TMEM64: variants seen among roughly 807,000 people sequenced by gnomAD.
TMEM64 encodes transmembrane protein 64.
In TMEM64, 19 loss-of-function variants were observed where a neutral mutation model predicts 24.5. The ratio of observed to expected loss-of-function variants is 0.78; its 90% CI spans 0.54 to 1.14. The LOEUF is 1.14. Ranked by LOEUF, TMEM64 falls within the 50% of genes most tolerant of loss-of-function variation. The pLI is 0.00. For missense variants in TMEM64, 487 were observed against 493.0 expected (o/e 0.99, Z 0.12); for synonymous variants, 262 against 224.7 (o/e 1.17, Z -1.49).
intron 2 of TMEM64, 95 bp downstream of exon 2, chr8:90,631,457 C>T: frequency 9.2e-7 from 1 of 1,083,582 alleles, no homozygotes; most frequent in Admixed American, 2.5e-5. Flanking sequence ...ATGGAAAAAC[C>T]CTCTGATTAT....
rs1036628064 is a variant in TMEM64, at chr8:90,624,144, C to T, written c.*1527G>A. On this transcript the variant is annotated 3_prime_UTR_variant, in exon 3 of 3. Transcript: ENST00000458549. Reference sequence around the variant, plus strand: ...TGTTACTCAAAGGTGAGAAAACTTACCCATTATAAAGGAAAGGAAAACAAT... The same window carrying T: ...TGTTACTCAAAGGTGAGAAAACTTATCCATTATAAAGGAAAGGAAAACAAT... 6.6e-6 allele frequency: 1 copy of T among 151,816 alleles called. No homozygotes were observed. Among genetic ancestry groups the T allele is most frequent in the Non-Finnish European group, 1.5e-5 (1 of 67,906 alleles). 9.4% of individuals were successfully genotyped at this position (151,816 alleles called of 1,614,324 possible). A position where few individuals can be genotyped will look rare whatever the true frequency, so the allele number is the denominator to read the frequency against.
intron 1 of TMEM64, among the ~76,000 whole-genome samples, chr8:90,640,159 A>G (rs1252926931): frequency 6.6e-6 from 1 of 152,210 alleles, no homozygotes; most frequent in Non-Finnish European, 1.5e-5. Context: ...TTCAAAACAC[A>G]GACTGTGTCT....
chr8:90,630,625 T>A (rs1175458193), intron 2 of TMEM64, among the ~76,000 whole-genome samples: 1 of 152,128 alleles, frequency 6.6e-6, no homozygotes, highest in African/African-American at 2.4e-5. Flanking sequence ...ATTCAAGCTA[T>A]CAATGTGATG....
At position 90,645,052 on chromosome 8, in the gene TMEM64, G is replaced by A. The variant is rs1021911919; in HGVS notation, c.795+59C>T. The A allele has an allele frequency of 3.9e-6, 6 of 1,527,592 alleles. No individual in the cohort carries two copies. The highest frequency in any genetic ancestry group is 4.0e-5 in the Admixed American group (2 of 50,618). The allele number at this position is 1,527,592 out of a possible 1,614,324, so 94.6% of individuals were successfully genotyped here. On this transcript the variant is annotated intron_variant, in intron 1 of 2. Transcript: ENST00000458549. The surrounding 1 kb of genome is among the most constrained non-coding windows in gnomAD (Gnocchi z 4.2). ...TCTGATAGAGCGCCCTCCTAGGGCC[G>A]CCACAAGACCGCTCAAAAACAGACT...
rs1809328034 is a variant in TMEM64, at chr8:90,624,652, TATAGTTTTAA to T, written c.*1009_*1018del. On this transcript the variant is annotated 3_prime_UTR_variant, in exon 3 of 3. Transcript: ENST00000458549. ...GCAAATAACAAAATTTGGGCATATT[TATAGTTTTAA>T]AGCTGAAGACTATGGGAACAATATA... is the stretch of plus-strand genomic sequence containing the variant. 1 of 152,448 alleles carries T rather than the reference TATAGTTTTAA, an allele frequency of 6.6e-6. No individual in the cohort carries two copies. The highest frequency in any genetic ancestry group is 1.5e-5 in the Non-Finnish European group (1 of 67,910). 9.4% of individuals were successfully genotyped at this position (152,448 alleles called of 1,614,324 possible). A position where few individuals can be genotyped will look rare whatever the true frequency, so the allele number is the denominator to read the frequency against.
intron 1 of TMEM64, among the ~76,000 whole-genome samples, chr8:90,644,238 TTCGAAAA>T (rs1809652004): frequency 6.6e-6 from 1 of 152,158 alleles, no homozygotes; most frequent in African/African-American, 2.4e-5. Context: ...GTCCTTCACT[TTCGAAAA>T]GAGAAAAGTG....
intron 1 of TMEM64, among the ~76,000 whole-genome samples, chr8:90,640,166 G>C (rs1009654616): frequency 6.6e-6 from 1 of 152,164 alleles, no homozygotes; most frequent in Non-Finnish European, 1.5e-5. Flanking sequence ...CACAGACTGT[G>C]TCTGCCTTTC....
chr8:90,633,463 T>C (rs561034010), intron 1 of TMEM64, among the ~76,000 whole-genome samples: 18 of 152,262 alleles, frequency 1.2e-4, no homozygotes, highest in African/African-American at 3.6e-4. Flanking sequence ...CCCAGAGAAA[T>C]TGTGAGACAA....
At position 90,645,120 on chromosome 8, in the gene TMEM64, T is replaced by C. The variant is rs1809669326; in HGVS notation, c.786A>G (p.Ala262=). 4 of 1,605,186 alleles carry C rather than the reference T, an allele frequency of 2.5e-6. No homozygotes were observed. The highest frequency in any genetic ancestry group is 3.4e-6 in the Non-Finnish European group (4 of 1,173,182). The part of the protein sequence containing the change: ...LTPIPFGLQN[A]VFSITDLSLP... ...GCGGGACCCCACTTACCGAAAACAC[T>C]GCATTCTGAAGCCCAAAAGGTATGG... The change falls in exon 1 of 3, where the codon GCA becomes GCG. Residue 262 remains alanine (A), a synonymous_variant. Transcript: ENST00000458549. The surrounding 1 kb of genome is among the most constrained non-coding windows in gnomAD (Gnocchi z 4.2).
intron 2 of TMEM64, 56 bp from the exon 3 acceptor site, chr8:90,625,918 T>A: frequency 7.6e-7 from 1 of 1,307,520 alleles, no homozygotes; most frequent in Non-Finnish European, 1.0e-6. Context: ...AAAAAAGAAA[T>A]AAATCCAATA....
intron 1 of TMEM64, among the ~76,000 whole-genome samples, chr8:90,632,096 T>A (rs911072219): frequency 1.3e-5 from 2 of 152,188 alleles, no homozygotes; most frequent in African/African-American, 4.8e-5. Context: ...CAGATAACCC[T>A]AGAATGGCAT....
Position 90,645,152 on chromosome 8 carries a change from G to C in TMEM64, c.754C>G (p.Leu252Val). 6.2e-7 allele frequency: 1 copy of C among 1,613,748 alleles called. No homozygotes were observed. Among genetic ancestry groups the C allele is most frequent in the Non-Finnish European group, 8.5e-7 (1 of 1,179,710 alleles). ...SGLKVVALARLTPIPFGLQNA... is the reference protein window; with the variant it reads ...SGLKVVALARVTPIPFGLQNA... Reference sequence around the variant, plus strand: ...TGAAGCCCAAAAGGTATGGGTGTCAGTCTGGCCAGCGCCACCACTTTCAGG... The same window carrying C: ...TGAAGCCCAAAAGGTATGGGTGTCACTCTGGCCAGCGCCACCACTTTCAGG... Residue 252 changes from leucine to valine, a missense_variant, in exon 1 of 3, where the codon CTG (leucine) becomes GTG (valine). Physicochemically the swap from Leu to Val is conservative, Grantham distance 32. Around this residue, in one of 3 missense-constraint regions of TMEM64, gnomAD observed 419 missense variants for 407.5 expected, o/e 1.03. Transcript: ENST00000458549. This position sits in a 1 kb window ranked among gnomAD's most constrained non-coding sequence, Gnocchi z 4.2.
In TMEM64 at chr8:90,622,692, C is replaced by G. The variant is rs1421450034; in HGVS notation, c.*2979G>C. Reference sequence around the variant, plus strand: ...TTATACCTGCACCACTTAGTTACAACAAGGGGAAATAAGAGTAACTAATGA... The same window carrying G: ...TTATACCTGCACCACTTAGTTACAAGAAGGGGAAATAAGAGTAACTAATGA... On this transcript the variant is annotated 3_prime_UTR_variant, in exon 3 of 3. Transcript: ENST00000458549. 2 of 152,138 alleles carry G rather than the reference C, an allele frequency of 1.3e-5. No individual in the cohort carries two copies. Among genetic ancestry groups the G allele is most frequent in the African/African-American group, 4.8e-5 (2 of 41,426 alleles). The allele number at this position is 152,138 out of a possible 1,614,324, so 9.4% of individuals were successfully genotyped here. A position where few individuals can be genotyped will look rare whatever the true frequency, so the allele number is the denominator to read the frequency against.
intron 2 of TMEM64, among the ~76,000 whole-genome samples, chr8:90,626,622 T>A (rs1809363604): frequency 7.5e-6 from 1 of 133,670 alleles, no homozygotes; most frequent in African/African-American, 3.1e-5. Context: ...GTACTTTTTT[T>A]TTCTTTCTTT....
Position 90,622,376 on chromosome 8 carries a change from TATA to T in TMEM64, c.*3292_*3294del, listed in dbSNP as rs1454715911. On this transcript the variant is annotated 3_prime_UTR_variant, in exon 3 of 3. Coordinates refer to ENST00000458549, the MANE Select transcript of TMEM64 (RefSeq NM_001008495.4). ...AGTGTTATACTGAACATCATTCTGA[TATA>T]ATGAGTAGCCTCTGGCTGAAACAAA... 1 of 152,230 alleles carries T rather than the reference TATA, an allele frequency of 6.6e-6. No homozygotes were observed. Among genetic ancestry groups the T allele is most frequent in the Non-Finnish European group, 1.5e-5 (1 of 68,040 alleles). The allele number at this position is 152,230 out of a possible 1,614,324, so 9.4% of individuals were successfully genotyped here.
chr8:90,645,450 C>G lies in TMEM64; in HGVS notation c.456G>C (p.Glu152Asp). 6.4e-7 allele frequency: 1 copy of G among 1,551,604 alleles called. No homozygotes were observed. The highest frequency in any genetic ancestry group is 8.7e-7 in the Non-Finnish European group (1 of 1,147,026). ...GGACCCCCAGCAGCGAGTCAAGGCT[C>G]TCCACCCACAGCAGGAGGTGGTGAA... Reference protein sequence around the residue: ...RYLHHLLLWVESLDSLLGVLL... With the variant: ...RYLHHLLLWVDSLDSLLGVLL... Residue 152 changes from glutamate to aspartate, a missense_variant, in exon 1 of 3, where the codon GAG becomes GAC. Physicochemically the swap from Glu to Asp is conservative, Grantham distance 45. This residue lies in a region of TMEM64 where 419 missense variants were observed against 407.5 expected (regional missense o/e 1.03). Coordinates refer to ENST00000458549, the MANE Select transcript of TMEM64 (RefSeq NM_001008495.4). The surrounding 1 kb of genome is among the most constrained non-coding windows in gnomAD (Gnocchi z 4.2).
chr8:90,640,494 C>A (rs1202760656), intron 1 of TMEM64, among the ~76,000 whole-genome samples: 1 of 151,988 alleles, frequency 6.6e-6, no homozygotes, highest in African/African-American at 2.4e-5. Context: ...TCATCTGTAC[C>A]CTCTCATTTT....
intron 1 of TMEM64, among the ~76,000 whole-genome samples, chr8:90,635,597 T>C (rs1809507605): frequency 6.6e-6 from 1 of 152,020 alleles, no homozygotes; most frequent in South Asian, 2.1e-4. Context: ...GGAAGGAGCC[T>C]ATACTCAGAG....
At position 90,646,081 on chromosome 8, in the gene TMEM64, A is replaced by C. The variant is rs1176326878; in HGVS notation, c.-176T>G. The C allele has an allele frequency of 9.1e-6, 2 of 219,758 alleles. No individual in the cohort carries two copies. The highest frequency in any genetic ancestry group is 1.7e-5 in the Non-Finnish European group (2 of 118,076). The allele number at this position is 219,758 out of a possible 1,614,324, so 13.6% of individuals were successfully genotyped here. On this transcript the variant is annotated 5_prime_UTR_variant, in exon 1 of 3. Coordinates refer to ENST00000458549, the MANE Select transcript of TMEM64 (RefSeq NM_001008495.4). ...GCGGAGGAGCGACGGCCAGGCGGGG[A>C]GTGAGGAAACTCCTGCCCCAGCACC... is the stretch of plus-strand genomic sequence containing the variant.
Sources: gnomAD v4.1 joint callset for allele counts (sites outside exome capture counted in the v4.1 genomes callset) on GRCh38, gnomAD v4.1.1 for gene constraint, gnomAD v4.1.1 regional missense constraint, Gnocchi (gnomAD v3.1) non-coding constraint, MANE v1.5 for transcripts, NCBI Gene and HGNC (gene_info 2026-07-23, HGNC 2026-07-21) for gene names.